Variants in IKZF1 observed in about 807,000 individuals in gnomAD.
IKZF1 encodes the protein DNA-binding protein Ikaros.
IKZF1 carries 10 observed loss-of-function variants against 51.7 expected under a neutral mutation model. The ratio of observed to expected loss-of-function variants is 0.19; its 90% CI spans 0.12 to 0.33. The LOEUF (loss-of-function observed/expected upper bound fraction) is 0.33, where lower values mean the gene tolerates loss of function less well. IKZF1 is among the 10% of genes least tolerant of loss of function. The probability of loss-of-function intolerance (pLI) is 1.00; values close to 1 mark genes in which losing one functional copy is unlikely to be tolerated. For missense variants in IKZF1, 484 were observed against 707.5 expected (o/e 0.68, Z 3.58); for synonymous variants, 280 against 282.3 (o/e 0.99, Z 0.08).
chr7:50,327,355 C>G (rs1211150110), intron 2 of IKZF1: 1 of 247,602 alleles, frequency 4.0e-6, no homozygotes, highest in East Asian at 7.6e-5. Flanking sequence ...AATGTCACCT[C>G]ATATTATTTA....
intron 1 of IKZF1, among the ~76,000 whole-genome samples, chr7:50,314,732 T>G (rs1193591606): frequency 2.0e-5 from 3 of 152,214 alleles, no homozygotes; most frequent in Non-Finnish European, 4.4e-5. Context: ...CTCAGAGGCC[T>G]GAGACCCGCC....
At chr7:50,311,177 C>G (rs1307509738) in intron 1 of IKZF1, among the ~76,000 whole-genome samples, 1 of 152,176 alleles carries the variant, frequency 6.6e-6, no homozygotes, top group Non-Finnish European at 1.5e-5. Context: ...TTTGAAGACA[C>G]CCATCAGGAT....
At chr7:50,358,416 C>T (rs773916910) in intron 3 of IKZF1, among the ~76,000 whole-genome samples, 3 of 152,304 alleles carry the variant, frequency 2.0e-5, no homozygotes, top group South Asian at 2.1e-4. Flanking sequence ...GGCTGTGGGA[C>T]GGGGCAGGAG....
intron 2 of IKZF1, among the ~76,000 whole-genome samples, chr7:50,319,326 CA>C (rs1046750476): frequency 1.3e-5 from 2 of 150,686 alleles, no homozygotes; most frequent in African/African-American, 4.9e-5. Flanking sequence ...TGTTAAACTT[CA>C]GGAAAAAAAA....
chr7:50,386,283 A>G (rs1324947525), intron 5 of IKZF1, among the ~76,000 whole-genome samples: 1 of 152,246 alleles, frequency 6.6e-6, no homozygotes, highest in Admixed American at 6.5e-5. Flanking sequence ...ATTATATAGA[A>G]CTGCACTGCC....
At chr7:50,327,778 C>T (rs1374513793) in intron 3 of IKZF1, 21 bp downstream of exon 3, 1 of 1,591,922 alleles carries the variant, frequency 6.3e-7, no homozygotes, top group South Asian at 1.1e-5. Context: ...CACCAGCGGC[C>T]TCTGTGCCTG....
chr7:50,404,064 G>GA lies in IKZF1; in HGVS notation c.*3443dup, dbSNP rs979568476. The GA allele has an allele frequency of 3.3e-5, 7 of 215,340 alleles. No homozygotes were observed. The highest frequency in any genetic ancestry group is 6.9e-5 in the East Asian group (1 of 14,514). 13.3% of individuals were successfully genotyped at this position (215,340 alleles called of 1,614,324 possible). On this transcript the variant is annotated 3_prime_UTR_variant, in exon 8 of 8. Transcript: ENST00000331340. Reference sequence around the variant, plus strand: ...ACTTATTTAAGATGTACAGGCATCAGAAAAAAGAAGCACATAATGCTTTTG... The same window carrying GA: ...ACTTATTTAAGATGTACAGGCATCAGAAAAAAAGAAGCACATAATGCTTTTG...
chr7:50,328,016 G>T, intron 3 of IKZF1: 1 of 433,378 alleles, frequency 2.3e-6, no homozygotes. Flanking sequence ...CCAGGGACGC[G>T]TCTCTGTCAC....
Position 50,384,297 on chromosome 7 carries a change from G to A in IKZF1, c.589+1590G>A, listed in dbSNP as rs79543654. Among the ~76,000 whole-genome samples the A allele has an allele frequency of 4.3e-4, 65 of 152,308 alleles. No homozygotes were observed. In the East Asian group the frequency reaches 0.012, roughly 28 times the overall value. On this transcript the variant is annotated intron_variant, in intron 5 of 7. Coordinates refer to ENST00000331340, the MANE Select transcript of IKZF1 (RefSeq NM_006060.6). ...CAGTTGGCTGGAGACAAAAAGGAGA[G>A]GAGTCACAGGGGCTGGTGCATCACC...
chr7:50,333,640 C>T (rs1335704181), intron 3 of IKZF1, among the ~76,000 whole-genome samples: 1 of 152,308 alleles, frequency 6.6e-6, no homozygotes, highest in East Asian at 1.9e-4. Context: ...AGTCTCAAGC[C>T]GAGAACTGTT....
At chr7:50,343,255 C>T (rs1278693411) in intron 3 of IKZF1, among the ~76,000 whole-genome samples, 1 of 134,434 alleles carries the variant, frequency 7.4e-6, no homozygotes, top group African/African-American at 2.7e-5. Context: ...TTTTTCTTTC[C>T]CTTTCCTCCT....
At position 50,348,562 on chromosome 7, in the gene IKZF1, C is replaced by T. The variant is rs146243826; in HGVS notation, c.160+20805C>T. Among the ~76,000 whole-genome samples the T allele has an allele frequency of 1.4e-3, 211 of 152,318 alleles. 2 individuals are homozygous for T. Among genetic ancestry groups the T allele is most frequent in the Middle Eastern group, 0.014 (4 of 294 alleles). The stretch of plus-strand genomic sequence containing the variant: ...TGGTTTTCAGACCCTGGACATCATC[C>T]ACAGCCGCAGCAGAGGCCCTGCCCA... On this transcript the variant is annotated intron_variant, in intron 3 of 7. Coordinates refer to ENST00000331340, the MANE Select transcript of IKZF1 (RefSeq NM_006060.6).
intron 1 of IKZF1, among the ~76,000 whole-genome samples, chr7:50,306,920 C>T (rs189593098): frequency 7.9e-5 from 12 of 152,164 alleles, no homozygotes; most frequent in Non-Finnish European, 1.6e-4. Context: ...TACTTATACA[C>T]ACACTTCAAG....
Position 50,384,479 on chromosome 7 carries a change from G to A in IKZF1, c.589+1772G>A, listed in dbSNP as rs568517270. Among the ~76,000 whole-genome samples the A allele has an allele frequency of 4.9e-4, 75 of 152,392 alleles. No individual in the cohort carries two copies. In the South Asian group the frequency reaches 9.7e-3, roughly 20 times the overall value. On this transcript the variant is annotated intron_variant, in intron 5 of 7. Transcript: ENST00000331340. ...TGAGGAGTTGCTTGCCCGAGAGGGC[G>A]GGCAGATCAGCAGGGGGGCCATGGA...
At chr7:50,350,875 G>A (rs1188371716) in intron 3 of IKZF1, among the ~76,000 whole-genome samples, 1 of 152,232 alleles carries the variant, frequency 6.6e-6, no homozygotes. Context: ...TGACTCAGAG[G>A]CAGTCTCACA....
intron 2 of IKZF1, among the ~76,000 whole-genome samples, chr7:50,327,174 GT>G (rs1158013254): frequency 1.3e-5 from 2 of 152,158 alleles, no homozygotes; most frequent in Non-Finnish European, 2.9e-5. Flanking sequence ...TCATTACAGT[GT>G]TGTTTAATAA....
chr7:50,382,772 T>G, intron 5 of IKZF1, 65 bp downstream of exon 5: 1 of 1,519,720 alleles, frequency 6.6e-7, no homozygotes, highest in Non-Finnish European at 8.8e-7. Context: ...TCTGCCCGCC[T>G]GGGTCCCGGA....
chr7:50,318,710 TG>T (rs1792278094), intron 1 of IKZF1: 2 of 257,454 alleles, frequency 7.8e-6, no homozygotes, highest in Admixed American at 1.1e-4. Context: ...GAATGAATTC[TG>T]TGCCTACAAT....
chr7:50,308,374 A>C (rs532964885), intron 1 of IKZF1, among the ~76,000 whole-genome samples: 1 of 152,328 alleles, frequency 6.6e-6, no homozygotes, highest in South Asian at 2.1e-4. Context: ...GGTAGTTGCC[A>C]GTGGAGCCTT....
Sources: allele counts gnomAD v4.1 joint callset (sites outside exome capture counted in the v4.1 genomes callset), GRCh38; gene constraint gnomAD v4.1.1; transcripts MANE v1.5; gene names NCBI Gene and HGNC (gene_info 2026-07-23, HGNC 2026-07-21).